COL12A1: variants seen among roughly 807,000 people sequenced by gnomAD.
COL12A1 encodes the protein collagen type XII alpha 1 chain.
A neutral mutation model predicts 349.7 loss-of-function variants in COL12A1; 114 were observed. The observed-to-expected ratio is 0.33, with a 90% CI of 0.28 to 0.38. The LOEUF is 0.38. Among genes scored for constraint, COL12A1 ranks in the 10% least tolerant of loss-of-function variants. The pLI is 1.00. For synonymous variants in COL12A1, 1,369 were observed against 1,329.0 expected, an observed-to-expected ratio of 1.03 and a Z score of -0.66; for missense variants, 3,284 against 3,756.9, an observed-to-expected ratio of 0.87 and a Z score of 3.29.
intron 13 of COL12A1, among the ~76,000 whole-genome samples, chr6:75,174,332 G>A (rs1435752275): frequency 1.3e-5 from 2 of 152,016 alleles, no homozygotes; most frequent in African/African-American, 2.4e-5. Flanking sequence ...CGAGGCGGGC[G>A]GATCACGAGG....
chr6:75,172,159 G>T (rs1248204324), intron 13 of COL12A1, among the ~76,000 whole-genome samples: 1 of 152,094 alleles, frequency 6.6e-6, no homozygotes, highest in South Asian at 2.1e-4. Context: ...TCACACATGC[G>T]TACAAGTTGA....
rs1309386396 is a variant in COL12A1, at chr6:75,117,438, G to C, written c.7463C>G (p.Ser2488Cys). 3 of 1,613,586 alleles carry C rather than the reference G, an allele frequency of 1.9e-6. No individual in the cohort carries two copies. Among genetic ancestry groups the C allele is most frequent in the Admixed American group, 3.3e-5 (2 of 59,968 alleles). ...RHVFIVDDFESFEKIEDNLIT... is the reference protein window; with the variant it reads ...RHVFIVDDFECFEKIEDNLIT... ...AAGATTGTCTTCGATCTTCTCAAAA[G>C]ATTCAAAGTCGTCCACAATGAACAC... The change falls in exon 47 of 66, where the codon TCT becomes TGT. Residue 2488 changes from serine (S) to cysteine (C), a missense_variant. Physicochemically the swap from Ser to Cys is moderately radical, Grantham distance 112 (BLOSUM62 -1). Around this residue, in one of 2 missense-constraint regions of COL12A1, gnomAD observed 683 missense variants for 932.1 expected, o/e 0.73. Coordinates refer to ENST00000322507, the MANE Select transcript of COL12A1 (RefSeq NM_004370.6).
intron 42 of COL12A1, 89 bp downstream of exon 42, chr6:75,123,859 A>G (rs1765872797): frequency 5.2e-6 from 7 of 1,343,392 alleles, no homozygotes; most frequent in East Asian, 2.3e-5. Flanking sequence ...ACGGAGAGGT[A>G]CCTGCACAGG....
intron 45 of COL12A1, 40 bp downstream of exon 45, chr6:75,119,310 T>C (rs1417170236): frequency 6.2e-7 from 1 of 1,605,636 alleles, no homozygotes; most frequent in Middle Eastern, 1.7e-4. Flanking sequence ...GTTCTGCCAC[T>C]ACAAATGCTT....
At chr6:75,175,785 T>G (rs2149452996) in intron 12 of COL12A1, among the ~76,000 whole-genome samples, 1 of 152,288 alleles carries the variant, frequency 6.6e-6, no homozygotes, top group Non-Finnish European at 1.5e-5. Flanking sequence ...TATAAACATA[T>G]TGCTTTCCCT....
At chr6:75,138,699 GT>G in intron 28 of COL12A1, 119 bp from the exon 29 acceptor site, 1 of 1,548,308 alleles carries the variant, frequency 6.5e-7, no homozygotes, top group Non-Finnish European at 8.8e-7. Context: ...TCTGATGCAT[GT>G]CATGAGCTCA....
rs767796362 is a variant in COL12A1, at chr6:75,189,648, T to C, written c.562A>G (p.Thr188Ala). The C allele has an allele frequency of 1.2e-5, 19 of 1,613,254 alleles. No homozygotes were observed. Among genetic ancestry groups the C allele is most frequent in the Non-Finnish European group, 1.6e-5 (19 of 1,179,468 alleles). Residue 188 changes from threonine (T) to alanine (A), a missense_variant, in exon 6 of 66, where the codon ACC (threonine) becomes GCC (alanine). Physicochemically the swap from Thr to Ala is moderately conservative, Grantham distance 58 (BLOSUM62 0). Transcript: ENST00000322507. ...RVGVVQYSSD[T>A]RTEFNLNQYY... ...TGATTTAAGTTAAATTCAGTCCTGG[T>C]ATCAGAGCTGTATTGAACAACTCCA...
intron 43 of COL12A1, among the ~76,000 whole-genome samples, chr6:75,121,914 T>C (rs1014988953): frequency 2.0e-5 from 3 of 149,204 alleles, no homozygotes; most frequent in Admixed American, 1.4e-4. Context: ...TGGAGTGCAG[T>C]GGTGTGATGA....
rs529865584 is a variant in COL12A1, at chr6:75,192,510, C to T, written c.191-155G>A. On this transcript the variant is annotated intron_variant, in intron 3 of 65. Transcript: ENST00000322507. Reference sequence around the variant, plus strand: ...CATTATTTTTTACTGCCTTCCAAAACTAAAATTTTGAATTTTAGAAATTTA... The same window carrying T: ...CATTATTTTTTACTGCCTTCCAAAATTAAAATTTTGAATTTTAGAAATTTA... Among the ~76,000 whole-genome samples the T allele has an allele frequency of 5.3e-5, 8 of 152,106 alleles. No individual in the cohort carries two copies. The South Asian group carries it at 1.7e-3, about 32-fold the overall frequency.
intron 61 of COL12A1, 22 bp downstream of exon 61, chr6:75,091,468 A>T (rs1275947158): frequency 1.5e-5 from 24 of 1,612,902 alleles, no homozygotes; most frequent in Non-Finnish European, 1.9e-5. Flanking sequence ...AAATAAACGT[A>T]AGATTTTTTA....
chr6:75,121,489 C>T, intron 43 of COL12A1, 48 bp from the exon 44 acceptor site: 1 of 1,466,428 alleles, frequency 6.8e-7, no homozygotes, highest in Non-Finnish European at 9.1e-7. Context: ...TGAATTCTTT[C>T]ATTTAAATGA....
At chr6:75,148,281 C>A in intron 22 of COL12A1, 77 bp downstream of exon 22, 1 of 1,437,354 alleles carries the variant, frequency 7.0e-7, no homozygotes, top group Non-Finnish European at 9.5e-7. Flanking sequence ...CCTCACCTAA[C>A]ATTATTCTCA....
At chr6:75,157,871 C>T (rs151062225) in intron 14 of COL12A1, among the ~76,000 whole-genome samples, 249 of 152,220 alleles carry the variant, frequency 1.6e-3, no homozygotes, top group African/African-American at 5.8e-3. Context: ...AAGAGAAAAC[C>T]TCACAACTGT....
chr6:75,100,972 A>C (rs1394933229), intron 58 of COL12A1, among the ~76,000 whole-genome samples: 1 of 152,218 alleles, frequency 6.6e-6, no homozygotes, highest in Non-Finnish European at 1.5e-5. Context: ...CAAATATTTC[A>C]CATTATTGAT....
At chr6:75,138,636 A>G in intron 28 of COL12A1, 56 bp from the exon 29 acceptor site, 4 of 1,601,020 alleles carry the variant, frequency 2.5e-6, no homozygotes, top group Non-Finnish European at 3.4e-6. Context: ...CACTTACATC[A>G]TACACACTCA....
chr6:75,154,597 T>C (rs761463984), intron 16 of COL12A1, 60 bp from the exon 17 acceptor site: 9 of 1,502,960 alleles, frequency 6.0e-6, no homozygotes, highest in Non-Finnish European at 8.0e-6. Context: ...GGTAGCACTT[T>C]TTTTTTGCTT....
intron 3 of COL12A1, among the ~76,000 whole-genome samples, chr6:75,194,512 G>A (rs1770118690): frequency 6.6e-6 from 1 of 152,128 alleles, no homozygotes; most frequent in Admixed American, 6.6e-5. Flanking sequence ...AGTAATTCAA[G>A]AAGAATGCCA....
intron 58 of COL12A1, among the ~76,000 whole-genome samples, chr6:75,100,661 T>C (rs927252571): frequency 6.6e-6 from 1 of 152,178 alleles, no homozygotes; most frequent in African/African-American, 2.4e-5. Context: ...TCATCTACCA[T>C]TTTGTATTAT....
At chr6:75,145,050 C>T (rs1270943728) in intron 25 of COL12A1, among the ~76,000 whole-genome samples, 10 of 152,094 alleles carry the variant, frequency 6.6e-5, no homozygotes, top group Non-Finnish European at 1.5e-4. Flanking sequence ...CTGATTGGCA[C>T]CTAGCCAAGA....
Sources: gnomAD v4.1 joint callset for allele counts (sites outside exome capture counted in the v4.1 genomes callset) on GRCh38, gnomAD v4.1.1 for gene constraint, gnomAD v4.1.1 regional missense constraint, MANE v1.5 for transcripts, NCBI Gene and HGNC (gene_info 2026-07-23, HGNC 2026-07-21) for gene names.